Variants in TRDN observed in about 807,000 individuals in gnomAD.
TRDN encodes triadin in skeletal muscle.
A neutral mutation model predicts 149.7 loss-of-function variants in TRDN; 161 were observed. The ratio of observed to expected loss-of-function variants is 1.08; its 90% CI spans 0.95 to 1.23. TRDN has a LOEUF of 1.23. Ranked by LOEUF, TRDN falls within the 50% of genes most tolerant of loss-of-function variation. TRDN has a pLI of 0.00. For synonymous variants in TRDN, 294 were observed against 250.5 expected, an observed-to-expected ratio of 1.17 and a Z score of -1.64; for missense variants, 896 against 823.5, an observed-to-expected ratio of 1.09 and a Z score of -1.08.
chr6:123,356,831 C>T (rs1045622081), intron 20 of TRDN, among the ~76,000 whole-genome samples: 4 of 150,644 alleles, frequency 2.7e-5, no homozygotes, highest in African/African-American at 7.3e-5. Flanking sequence ...GTGATGATCC[C>T]TTTTTATTTC....
At chr6:123,499,139 T>C (rs1002297238) in intron 8 of TRDN, among the ~76,000 whole-genome samples, 1 of 152,204 alleles carries the variant, frequency 6.6e-6, no homozygotes. Flanking sequence ...TAGACTCCCA[T>C]GACAGCAAAT....
intron 9 of TRDN, among the ~76,000 whole-genome samples, chr6:123,494,285 G>A (rs575914629): frequency 2.1e-4 from 32 of 152,152 alleles, no homozygotes; most frequent in Non-Finnish European, 2.9e-4. Context: ...CTGTGCGGTC[G>A]TTAACAAAAT....
chr6:123,578,741 G>T (rs533691904), intron 1 of TRDN, among the ~76,000 whole-genome samples: 2 of 152,220 alleles, frequency 1.3e-5, no homozygotes. Context: ...AAATTGCCTT[G>T]GGCAGTATGG....
At chr6:123,582,416 G>A (rs1197421312) in intron 1 of TRDN, among the ~76,000 whole-genome samples, 3 of 151,928 alleles carry the variant, frequency 2.0e-5, no homozygotes, top group Non-Finnish European at 2.9e-5. Context: ...GGTGCAGGTG[G>A]GCTGAGTCCA....
At chr6:123,302,757 A>C (rs542252317) in intron 24 of TRDN, among the ~76,000 whole-genome samples, 4 of 152,100 alleles carry the variant, frequency 2.6e-5, no homozygotes, top group African/African-American at 9.7e-5. Flanking sequence ...TGAACAAGGC[A>C]TCTCAAATTT....
chr6:123,321,060 A>G (rs1441136774), intron 23 of TRDN, among the ~76,000 whole-genome samples: 1 of 152,160 alleles, frequency 6.6e-6, no homozygotes, highest in East Asian at 1.9e-4. Context: ...TCTCTGGTCA[A>G]CCATAGGTGA....
At chr6:123,268,867 G>T (rs1454488470) in intron 31 of TRDN, among the ~76,000 whole-genome samples, 1 of 151,786 alleles carries the variant, frequency 6.6e-6, no homozygotes, top group Non-Finnish European at 1.5e-5. Context: ...AATAAATCAA[G>T]GGAATAATAA....
chr6:123,473,461 C>T (rs1214286212), intron 9 of TRDN, among the ~76,000 whole-genome samples: 8 of 151,756 alleles, frequency 5.3e-5, no homozygotes, highest in Non-Finnish European at 8.8e-5. Flanking sequence ...ACCAAATCTA[C>T]GTCTGATTGG....
Position 123,498,780 on chromosome 6 carries a change from C to T in TRDN, c.794-1528G>A, listed in dbSNP as rs76354526. 4.1e-3 allele frequency: 1,450 copies of T among 351,498 alleles called. 62 individuals carry two copies. In the East Asian group the frequency reaches 0.093, roughly 22 times the overall value. The allele number at this position is 351,498 out of a possible 1,614,324, so 21.8% of individuals were successfully genotyped here. On this transcript the variant is annotated intron_variant, in intron 8 of 40. Transcript: ENST00000334268. ...AAGCAAGATGAAAAAGTACATTTCCCTTAAATGAAAAGTTTGAAGTCAGAC... is the reference window on the plus strand; with the variant it reads ...AAGCAAGATGAAAAAGTACATTTCCTTTAAATGAAAAGTTTGAAGTCAGAC...
chr6:123,524,611 T>C (rs879446627), intron 5 of TRDN, among the ~76,000 whole-genome samples: 6 of 152,082 alleles, frequency 3.9e-5, no homozygotes, highest in Non-Finnish European at 7.4e-5. Flanking sequence ...TCTTCACATA[T>C]AGTAAGAAAA....
At chr6:123,315,913 A>G (rs531635760) in intron 24 of TRDN, among the ~76,000 whole-genome samples, 29 of 151,998 alleles carry the variant, frequency 1.9e-4, no homozygotes, top group African/African-American at 6.5e-4. Context: ...TCAGCTTTCA[A>G]ATTAATGGCC....
chr6:123,598,671 T>A (rs1321879), intron 1 of TRDN, among the ~76,000 whole-genome samples: 2,651 of 152,164 alleles, frequency 0.017, 89 homozygotes, highest in African/African-American at 0.06. Context: ...TCATATTGCA[T>A]TTTGTCTATT....
At chr6:123,223,535 C>T (rs1023128889) in intron 39 of TRDN, among the ~76,000 whole-genome samples, 3 of 151,580 alleles carry the variant, frequency 2.0e-5, no homozygotes, top group African/African-American at 7.3e-5. Flanking sequence ...TAGCTGAAGC[C>T]CTCATTCTAC....
rs1489167312 is a variant in TRDN at position 123,218,820 on chromosome 6, G to C, written c.2051-80C>G. On this transcript the variant is annotated intron_variant, in intron 40 of 40. Coordinates refer to ENST00000334268, the MANE Select transcript of TRDN (RefSeq NM_006073.4). The stretch of plus-strand genomic sequence containing the variant: ...CACAGTGAGGCAGTGCAGTGCAGCA[G>C]ATAAGGTCACAGATTCTGCCAGCAG... 1.9e-5 allele frequency: 27 copies of C among 1,429,966 alleles called. No individual in the cohort carries two copies. In the East Asian group the frequency reaches 6.8e-4, roughly 36 times the overall value. 88.6% of individuals were successfully genotyped at this position (1,429,966 alleles called of 1,614,324 possible).
intron 24 of TRDN, among the ~76,000 whole-genome samples, chr6:123,290,916 G>T (rs976129267): frequency 6.6e-6 from 1 of 152,070 alleles, no homozygotes; most frequent in Non-Finnish European, 1.5e-5. Flanking sequence ...CAGCACTTTG[G>T]TAGGCTGAGG....
At chr6:123,567,427 A>G (rs1040395997) in intron 2 of TRDN, among the ~76,000 whole-genome samples, 3 of 152,202 alleles carry the variant, frequency 2.0e-5, no homozygotes, top group Non-Finnish European at 4.4e-5. Context: ...CGGCATTGCT[A>G]TAAAGAAATA....
At chr6:123,275,674 G>A (rs1777345053) in intron 26 of TRDN, among the ~76,000 whole-genome samples, 1 of 152,120 alleles carries the variant, frequency 6.6e-6, no homozygotes, top group Non-Finnish European at 1.5e-5. Context: ...AATGGGTAGA[G>A]TCTAGAATAA....
chr6:123,219,390 A>G (rs1475047566), intron 40 of TRDN, among the ~76,000 whole-genome samples: 1 of 151,852 alleles, frequency 6.6e-6, no homozygotes, highest in Admixed American at 6.6e-5. Context: ...AAAGATGGCG[A>G]GTTTAGCATC....
intron 10 of TRDN, among the ~76,000 whole-genome samples, chr6:123,461,123 T>A (rs938558771): frequency 6.6e-6 from 1 of 152,104 alleles, no homozygotes; most frequent in Non-Finnish European, 1.5e-5. Flanking sequence ...AGGTGTGAAA[T>A]CTTTGGGTAT....
Sources: gnomAD v4.1 joint callset for allele counts (sites outside exome capture counted in the v4.1 genomes callset) on GRCh38, gnomAD v4.1.1 for gene constraint, MANE v1.5 for transcripts, NCBI Gene and HGNC (gene_info 2026-07-23, HGNC 2026-07-21) for gene names.